The following CDK15 variants were observed in gnomAD, a reference collection of about 807,000 sequenced individuals.
CDK15 encodes the protein cyclin-dependent kinase 15.
Under a neutral mutation model 60.3 loss-of-function variants are expected in CDK15, and 62 were observed. The ratio of observed to expected loss-of-function variants is 1.03; its 90% CI spans 0.84 to 1.27. The LOEUF (loss-of-function observed/expected upper bound fraction) is 1.27. CDK15 is among the 50% of genes most tolerant of loss of function. The pLI is 0.00. For synonymous variants in CDK15, 194 were observed against 195.7 expected (o/e 0.99, Z 0.07); for missense variants, 541 against 527.8 (o/e 1.03, Z -0.25).
chr2:201,856,894 A>G (rs182873527), intron 10 of CDK15, among the ~76,000 whole-genome samples: 23 of 152,266 alleles, frequency 1.5e-4, no homozygotes, highest in African/African-American at 4.6e-4. Flanking sequence ...AAACTTGGCC[A>G]AAGTGCTTCC....
At chr2:201,806,855 T>G (rs1695533930) in intron 1 of CDK15, 68 bp downstream of exon 1, 1 of 1,554,580 alleles carries the variant, frequency 6.4e-7, no homozygotes, top group Non-Finnish European at 8.7e-7. Flanking sequence ...ACTCCCTTTT[T>G]GTAGCGGGAT....
chr2:201,814,210 A>G (rs1695894124), intron 4 of CDK15, among the ~76,000 whole-genome samples: 1 of 152,234 alleles, frequency 6.6e-6, no homozygotes, highest in Admixed American at 6.5e-5. Flanking sequence ...AGCATGGTTC[A>G]GAAAACCTGG....
intron 4 of CDK15, among the ~76,000 whole-genome samples, chr2:201,820,191 A>G (rs1016888935): frequency 2.0e-5 from 3 of 152,192 alleles, no homozygotes; most frequent in Non-Finnish European, 2.9e-5. Context: ...TTTGTAACAT[A>G]GGGGTGGGGG....
At chr2:201,838,200 C>A (rs1697210101) in intron 8 of CDK15, among the ~76,000 whole-genome samples, 1 of 150,560 alleles carries the variant, frequency 6.6e-6, no homozygotes, top group Non-Finnish European at 1.5e-5. Flanking sequence ...CAATTTTGCT[C>A]TGCAGGGGAC....
intron 10 of CDK15, among the ~76,000 whole-genome samples, chr2:201,867,343 G>A (rs977960811): frequency 6.6e-6 from 1 of 152,122 alleles, no homozygotes; most frequent in African/African-American, 2.4e-5. Context: ...CATAATAACA[G>A]CCCAGGCATG....
intron 9 of CDK15, 48 bp from the exon 10 acceptor site, chr2:201,854,826 C>G (rs1403238951): frequency 6.5e-7 from 1 of 1,546,634 alleles, no homozygotes; most frequent in Non-Finnish European, 8.9e-7. Context: ...TTCCATCCAC[C>G]TCATCTCCCC....
At chr2:201,891,705 T>C (rs1207213086) in intron 13 of CDK15, among the ~76,000 whole-genome samples, 3 of 152,114 alleles carry the variant, frequency 2.0e-5, no homozygotes, top group Admixed American at 6.5e-5. Context: ...ACCCTATAGA[T>C]GTCTCAAGAG....
At position 201,821,418 on chromosome 2, in the gene CDK15, A is replaced by G. The variant is rs536203341; in HGVS notation, c.449-1391A>G. 2.6e-5 allele frequency among the ~76,000 whole-genome samples: 4 copies of G among 152,268 alleles called. No homozygotes were observed. The South Asian group carries it at 6.2e-4, about 24-fold the overall frequency. On this transcript the variant is annotated intron_variant, in intron 4 of 13. Transcript: ENST00000652192. The stretch of plus-strand genomic sequence containing the variant: ...CCCGCTAGAAGGGAGAATGGCTGTC[A>G]GGAGGGCAAAACGACAGATTCACTA...
At chr2:201,812,631 T>C (rs1189141659) in intron 4 of CDK15, 69 bp downstream of exon 4, 26 of 970,462 alleles carry the variant, frequency 2.7e-5, no homozygotes, top group Non-Finnish European at 3.2e-5. Context: ...ATGTATTGCA[T>C]TGATCCATTC....
intron 5 of CDK15, 97 bp from the exon 6 acceptor site, chr2:201,823,568 G>A (rs1181329836): frequency 1.1e-5 from 12 of 1,099,276 alleles, no homozygotes; most frequent in East Asian, 9.5e-5. Context: ...TCTGTACTTC[G>A]TAATACCTTC....
rs1383612518 is a variant in CDK15 at position 201,882,056 on chromosome 2, A to C, written c.1198+1889A>C. Among the ~76,000 whole-genome samples the C allele has an allele frequency of 6.6e-6, 1 of 152,184 alleles. No individual in the cohort carries two copies. Among genetic ancestry groups the C allele is most frequent in the Non-Finnish European group, 1.5e-5 (1 of 68,032 alleles). On this transcript the variant is annotated intron_variant, in intron 12 of 13. Transcript: ENST00000652192. The surrounding 1 kb of genome is among the most constrained non-coding windows in gnomAD (Gnocchi z 4.0). ...TGACGCAAGATGATTAGGAAGAAACAATCACTGTCCAAACTGATGTGTTGT... is the reference window on the plus strand; with the variant it reads ...TGACGCAAGATGATTAGGAAGAAACCATCACTGTCCAAACTGATGTGTTGT...
At chr2:201,876,575 G>T (rs142911995) in intron 11 of CDK15, 4 of 1,288,126 alleles carry the variant, frequency 3.1e-6, no homozygotes, top group Admixed American at 2.3e-5. Flanking sequence ...CTCTACCGGC[G>T]AAGGAGAAGG....
In CDK15 at chr2:201,894,549, G is replaced by C. The variant is rs1253327516; in HGVS notation, c.*1282G>C. 1 of 152,184 alleles carries C rather than the reference G, an allele frequency of 6.6e-6. No individual in the cohort carries two copies. Among genetic ancestry groups the C allele is most frequent in the African/African-American group, 2.4e-5 (1 of 41,452 alleles). The allele number at this position is 152,184 out of a possible 1,614,324, so 9.4% of individuals were successfully genotyped here. A position where few individuals can be genotyped will look rare whatever the true frequency, so the allele number is the denominator to read the frequency against. Reference sequence around the variant, plus strand: ...GTGGTGTGCTACAAGGTTCAGTCTTGAGTCCTATTCTGGTCAAATATTTTT... The same window carrying C: ...GTGGTGTGCTACAAGGTTCAGTCTTCAGTCCTATTCTGGTCAAATATTTTT... On this transcript the variant is annotated 3_prime_UTR_variant, in exon 14 of 14. Coordinates refer to ENST00000652192, the MANE Select transcript of CDK15 (RefSeq NM_001366386.2).
chr2:201,884,096 T>G (rs1419261511), intron 12 of CDK15, among the ~76,000 whole-genome samples: 1 of 152,186 alleles, frequency 6.6e-6, no homozygotes, highest in Non-Finnish European at 1.5e-5. Context: ...TCCAGAAAAG[T>G]ATTTTTTATC....
intron 13 of CDK15, among the ~76,000 whole-genome samples, chr2:201,891,982 C>G (rs556725777): frequency 6.6e-6 from 1 of 152,316 alleles, no homozygotes; most frequent in East Asian, 1.9e-4. Flanking sequence ...GCTGGATTCA[C>G]TCTTCATTCT....
chr2:201,864,594 C>T (rs1559141079), intron 10 of CDK15, among the ~76,000 whole-genome samples: 1 of 152,192 alleles, frequency 6.6e-6, no homozygotes, highest in African/African-American at 2.4e-5. Flanking sequence ...GCTGGGATTA[C>T]AGGCATAAGC....
intron 12 of CDK15, among the ~76,000 whole-genome samples, chr2:201,884,022 A>C (rs532461218): frequency 1.3e-5 from 2 of 152,356 alleles, no homozygotes; most frequent in South Asian, 4.1e-4. Context: ...AAACCTTCCA[A>C]ATGTTACCCT....
In CDK15 at chr2:201,835,993, TATATA is replaced by T. The variant is rs1478454119; in HGVS notation, c.851+231_851+235del. On this transcript the variant is annotated intron_variant, in intron 8 of 13. Coordinates refer to ENST00000652192, the MANE Select transcript of CDK15 (RefSeq NM_001366386.2). ...ATATATTTATATATTTTTATATATTTATATATATTTATATTTTTATATTTTTATAT... is the reference window on the plus strand; with the variant it reads ...ATATATTTATATATTTTTATATATTTTATTTATATTTTTATATTTTTATAT... 1.4e-3 allele frequency among the ~76,000 whole-genome samples: 9 copies of T among 6,660 alleles called. No individual in the cohort carries two copies. In the East Asian group the frequency reaches 0.38, roughly 278 times the overall value. The allele number at this position is 6,660 out of a possible 152,430, so 4.4% of individuals were successfully genotyped here.
intron 10 of CDK15, chr2:201,860,701 G>GT (rs1698353338): frequency 7.4e-7 from 1 of 1,351,836 alleles, no homozygotes; most frequent in African/African-American, 1.5e-5. Context: ...ATGCCCAGTT[G>GT]TTTTTCAGTA....
Sources: gnomAD v4.1 joint callset for allele counts (sites outside exome capture counted in the v4.1 genomes callset) on GRCh38, gnomAD v4.1.1 for gene constraint, Gnocchi (gnomAD v3.1) non-coding constraint, MANE v1.5 for transcripts, NCBI Gene and HGNC (gene_info 2026-07-23, HGNC 2026-07-21) for gene names.